Variants in IFT122 observed in about 807,000 individuals in gnomAD.
IFT122 encodes the protein intraflagellar transport 122.
In IFT122, 118 loss-of-function variants were observed where a neutral mutation model predicts 161.6. The ratio of observed to expected loss-of-function variants is 0.73; its 90% CI spans 0.63 to 0.85. The LOEUF is 0.85. Among genes scored for constraint, IFT122 ranks in the 40% least tolerant of loss-of-function variants. The pLI, the probability that IFT122 is intolerant of heterozygous loss-of-function variation, is 0.00. For missense variants in IFT122, 1,381 were observed against 1,579.6 expected (o/e 0.87, Z 2.13); for synonymous variants, 550 against 602.4 (o/e 0.91, Z 1.27).
intron 18 of IFT122, 50 bp downstream of exon 18, chr3:129,495,657 T>C: frequency 1.9e-6 from 3 of 1,601,594 alleles, no homozygotes; most frequent in Non-Finnish European, 2.6e-6. Flanking sequence ...CCCACTGGTA[T>C]TCTCACGTGC....
Position 129,440,285 on chromosome 3 carries a change from G to C in IFT122, c.-46G>C. 6.5e-7 allele frequency: 1 copy of C among 1,549,468 alleles called. No individual in the cohort carries two copies. On this transcript the variant is annotated 5_prime_UTR_variant, in exon 1 of 30. Transcript: ENST00000348417. ...CGTTAGTGAGGCGGTTGCTGAGACA[G>C]ACGCTGAGGCGGGTAGGAGGAGCCC... is the stretch of plus-strand genomic sequence containing the variant.
At chr3:129,464,480 C>CT (rs2076504943) in intron 6 of IFT122, among the ~76,000 whole-genome samples, 155 bp from the exon 7 acceptor site, 1 of 152,226 alleles carries the variant, frequency 6.6e-6, no homozygotes, top group South Asian at 2.1e-4. Context: ...GTTTGATCCT[C>CT]TGACTTTATG....
At position 129,520,387 on chromosome 3, in the gene IFT122, G is replaced by GT; in HGVS notation, c.*122_*123insT. 1 of 817,972 alleles carries GT rather than the reference G, an allele frequency of 1.2e-6. No homozygotes were observed. Among genetic ancestry groups the GT allele is most frequent in the Non-Finnish European group, 2.0e-6 (1 of 491,092 alleles). The allele number at this position is 817,972 out of a possible 1,614,324, so 50.7% of individuals were successfully genotyped here. A position where few individuals can be genotyped will look rare whatever the true frequency, so the allele number is the denominator to read the frequency against. On this transcript the variant is annotated 3_prime_UTR_variant, in exon 30 of 30. Coordinates refer to ENST00000348417, the MANE Select transcript of IFT122 (RefSeq NM_052989.3). Reference sequence around the variant, plus strand: ...GCCCAGATGAAGTTTGTGTTTTGTGGGGGGGGCCTTGTGTAACCACGGAAT... The same window carrying GT: ...GCCCAGATGAAGTTTGTGTTTTGTGGTGGGGGGCCTTGTGTAACCACGGAAT...
chr3:129,474,076 G>A (rs1252367957), intron 9 of IFT122, among the ~76,000 whole-genome samples: 3 of 152,156 alleles, frequency 2.0e-5, no homozygotes, highest in Non-Finnish European at 4.4e-5. Flanking sequence ...TCGTTGCTAG[G>A]CATTTGAAAT....
intron 19 of IFT122, among the ~76,000 whole-genome samples, chr3:129,502,265 C>T (rs975536511): frequency 4.6e-5 from 7 of 152,220 alleles, no homozygotes; most frequent in African/African-American, 7.2e-5. Context: ...TTCCTGCACC[C>T]GTGGTGGAAA....
chr3:129,451,601 C>G lies in IFT122; in HGVS notation c.109-313C>G, dbSNP rs3774766. 5.2e-4 allele frequency among the ~76,000 whole-genome samples: 79 copies of G among 152,262 alleles called. 1 individual carries two copies. In the East Asian group the frequency reaches 0.014, roughly 28 times the overall value. On this transcript the variant is annotated intron_variant, in intron 2 of 29. Coordinates refer to ENST00000348417, the MANE Select transcript of IFT122 (RefSeq NM_052989.3). ...GCTAGTTTTATTTAGGAGGGCCTGC[C>G]TTGATCAATCATATATCCAAATTCA... is the stretch of plus-strand genomic sequence containing the variant.
intron 3 of IFT122, chr3:129,452,207 G>T (rs1311476945): frequency 3.8e-6 from 2 of 528,102 alleles, no homozygotes; most frequent in Non-Finnish European, 6.9e-6. Context: ...CAAGGTGCTT[G>T]AGTTACTTCA....
chr3:129,480,080 A>G (rs1393001579), intron 13 of IFT122, among the ~76,000 whole-genome samples, 158 bp downstream of exon 13: 1 of 152,182 alleles, frequency 6.6e-6, no homozygotes, highest in African/African-American at 2.4e-5. Flanking sequence ...TTTTTTGAGG[A>G]CAGCCTCAGG....
At chr3:129,476,563 G>A (rs933452438) in intron 10 of IFT122, 57 bp downstream of exon 10, 78 of 1,612,154 alleles carry the variant, frequency 4.8e-5, no homozygotes, top group South Asian at 6.6e-5. Flanking sequence ...CTGAGCAGCC[G>A]CCGTGTCTCG....
In IFT122 at chr3:129,499,992, G is replaced by A. The variant is rs199856807; in HGVS notation, c.2299G>A (p.Ala767Thr). The A allele has an allele frequency of 1.4e-5, 23 of 1,614,200 alleles. No individual in the cohort carries two copies. Among genetic ancestry groups the A allele is most frequent in the Middle Eastern group, 1.6e-4 (1 of 6,062 alleles). Residue 767 changes from alanine to threonine, a missense_variant, in exon 19 of 30, where the codon GCC becomes ACC. By Grantham distance (58) the Ala-to-Thr change is moderately conservative. Coordinates refer to ENST00000348417, the MANE Select transcript of IFT122 (RefSeq NM_052989.3). ...WARNIKEPKA[A>T]VEMYISAGEH... is the part of the protein sequence containing the mutation. ...CAGAAATATCAAGGAGCCCAAAGCC[G>A]CCGTGGAGATGTACATCTCAGCAGG...
intron 25 of IFT122, chr3:129,515,285 G>A: frequency 6.3e-6 from 4 of 631,566 alleles, no homozygotes; most frequent in Non-Finnish European, 1.2e-5. Context: ...GGGGACCCAA[G>A]TGACAGGGCT....
At chr3:129,491,795 G>A (rs56757509) in intron 16 of IFT122, among the ~76,000 whole-genome samples, 3 of 152,014 alleles carry the variant, frequency 2.0e-5, no homozygotes, top group East Asian at 1.9e-4. Context: ...GTGATGCTGC[G>A]TGACCCCCCA....
At chr3:129,505,579 G>A (rs2108573479) in intron 21 of IFT122, among the ~76,000 whole-genome samples, 1 of 152,306 alleles carries the variant, frequency 6.6e-6, no homozygotes, top group African/African-American at 2.4e-5. Context: ...TTGTAGATGA[G>A]AACGGAACAA....
chr3:129,465,162 G>T (rs898100509), intron 7 of IFT122, among the ~76,000 whole-genome samples: 1 of 144,734 alleles, frequency 6.9e-6, no homozygotes, highest in Non-Finnish European at 1.5e-5. Context: ...TGTGTGTGTG[G>T]TGTGTGAGTG....
intron 19 of IFT122, among the ~76,000 whole-genome samples, chr3:129,501,346 T>A (rs1039334495): frequency 6.6e-6 from 1 of 151,994 alleles, no homozygotes; most frequent in Non-Finnish European, 1.5e-5. Context: ...CCAGCCAGGA[T>A]TTGGGGATAT....
chr3:129,476,275 G>A (rs758055867), intron 9 of IFT122, 40 bp from the exon 10 acceptor site: 6 of 1,610,108 alleles, frequency 3.7e-6, no homozygotes, highest in East Asian at 2.2e-5. Context: ...TTATGGATTC[G>A]GAAATGGTTT....
At chr3:129,518,439 C>T (rs905343869) in intron 27 of IFT122, among the ~76,000 whole-genome samples, 2 of 152,218 alleles carry the variant, frequency 1.3e-5, no homozygotes, top group Non-Finnish European at 2.9e-5. Context: ...GCCTTCCTTG[C>T]AGCTCCCAGG....
At position 129,504,299 on chromosome 3, in the gene IFT122, T is replaced by A. The variant is rs764768307; in HGVS notation, c.2548-20T>A. 75 of 1,598,118 alleles carry A rather than the reference T, an allele frequency of 4.7e-5. No individual in the cohort carries two copies. Among genetic ancestry groups the A allele is most frequent in the Non-Finnish European group, 6.2e-5 (72 of 1,166,030 alleles). ...CTGCAGGGGCAGCTTTATTAAGACT[T>A]CATTTGCTCCTTCCCCCAGGCCTTT... On this transcript the variant is annotated intron_variant, in intron 20 of 29. Coordinates refer to ENST00000348417, the MANE Select transcript of IFT122 (RefSeq NM_052989.3).
chr3:129,454,662 T>A (rs777402142), intron 3 of IFT122, among the ~76,000 whole-genome samples: 15 of 151,888 alleles, frequency 9.9e-5, no homozygotes, highest in Non-Finnish European at 1.9e-4. Flanking sequence ...TTGAGGAATG[T>A]GGGTCAGTCC....
Sources: gnomAD v4.1 joint callset for allele counts (sites outside exome capture counted in the v4.1 genomes callset) on GRCh38, gnomAD v4.1.1 for gene constraint, MANE v1.5 for transcripts, NCBI Gene and HGNC (gene_info 2026-07-23, HGNC 2026-07-21) for gene names.